The following CCDC25 variants were observed in gnomAD, a reference collection of about 807,000 sequenced individuals.
CCDC25 encodes coiled-coil domain-containing protein 25.
CCDC25 carries 16 observed loss-of-function variants against 35.3 expected under a neutral mutation model. The observed-to-expected ratio is 0.45, with a 90% CI of 0.31 to 0.69. The LOEUF is 0.69. Among genes scored for constraint, CCDC25 ranks in the 30% least tolerant of loss-of-function variants. The probability of loss-of-function intolerance (pLI) is 0.06; values close to 1 mark genes in which losing one functional copy is unlikely to be tolerated. For synonymous variants in CCDC25, 79 were observed against 80.3 expected (o/e 0.98, Z 0.09); for missense variants, 179 against 250.7 (o/e 0.71, Z 1.93).
At chr8:27,747,946 G>A in intron 7 of CCDC25, 131 bp downstream of exon 7, 1 of 858,210 alleles carries the variant, frequency 1.2e-6, no homozygotes, top group South Asian at 1.7e-5. Context: ...ACTGATTTAA[G>A]GTTGAGCTTA....
chr8:27,762,896 A>C (rs1426101593), intron 2 of CCDC25, among the ~76,000 whole-genome samples: 1 of 152,168 alleles, frequency 6.6e-6, no homozygotes, highest in Non-Finnish European at 1.5e-5. Flanking sequence ...CAAAACAAAC[A>C]TTAGAAGTAT....
At chr8:27,755,450 G>A (rs1223071923) in intron 4 of CCDC25, among the ~76,000 whole-genome samples, 2 of 152,088 alleles carry the variant, frequency 1.3e-5, no homozygotes, top group African/African-American at 4.8e-5. Context: ...AAATAAATAG[G>A]GGAAAAGAGA....
rs139104180 is a variant in CCDC25, at chr8:27,762,538, G to A, written c.77-80C>T. 9.6e-3 allele frequency: 12,381 copies of A among 1,290,612 alleles called. 87 individuals are homozygous for A. The highest frequency in any genetic ancestry group is 0.012 in the Non-Finnish European group (10,468 of 909,854). 79.9% of individuals were successfully genotyped at this position (1,290,612 alleles called of 1,614,324 possible). The stretch of plus-strand genomic sequence containing the variant: ...CAGGGTTTATAAGAATGGGAGAAAT[G>A]TCAGCTCCTCCCACAAATTTCTCTC... On this transcript the variant is annotated intron_variant, in intron 2 of 8. Transcript: ENST00000356537.
At chr8:27,764,583 AC>A (rs1441906470) in intron 2 of CCDC25, 1 of 228,880 alleles carries the variant, frequency 4.4e-6, no homozygotes, top group Non-Finnish European at 9.1e-6. Context: ...CTGGCCTCTT[AC>A]GTTTTTTTCT....
chr8:27,752,494 A>G lies in CCDC25; in HGVS notation c.244+18T>C. The G allele has an allele frequency of 6.2e-7, 1 of 1,601,742 alleles. No individual in the cohort carries two copies. The highest frequency in any genetic ancestry group is 1.3e-5 in the African/African-American group (1 of 74,700). On this transcript the variant is annotated intron_variant, in intron 5 of 8. Coordinates refer to ENST00000356537, the MANE Select transcript of CCDC25 (RefSeq NM_018246.3). The stretch of plus-strand genomic sequence containing the variant: ...GAAAGTCCGTGCTAATTCTAAAAAC[A>G]CCTCTAGGAAAACTGACCTTGAATG...
chr8:27,738,097 C>T (rs1803303808), intron 8 of CCDC25, among the ~76,000 whole-genome samples: 1 of 151,814 alleles, frequency 6.6e-6, no homozygotes, highest in Admixed American at 6.6e-5. Context: ...ATACGATGGA[C>T]TTTGGGGACT....
In CCDC25 at chr8:27,765,187, T is replaced by C. The variant is rs1329576594; in HGVS notation, c.76+17A>G. 3 of 1,503,154 alleles carry C rather than the reference T, an allele frequency of 2.0e-6. No homozygotes were observed. Among genetic ancestry groups the C allele is most frequent in the Non-Finnish European group, 2.7e-6 (3 of 1,110,514 alleles). The allele number at this position is 1,503,154 out of a possible 1,614,324, so 93.1% of individuals were successfully genotyped here. On this transcript the variant is annotated intron_variant, in intron 2 of 8. Transcript: ENST00000356537. ...ACCTGCTGAAAATTTCAAAATCAAA[T>C]GCTTTTGAAAACTTACTTTCATATT...
chr8:27,755,461 C>A (rs1803968063), intron 4 of CCDC25, among the ~76,000 whole-genome samples: 1 of 152,190 alleles, frequency 6.6e-6, no homozygotes, highest in Non-Finnish European at 1.5e-5. Flanking sequence ...GGAAAAGAGA[C>A]AAATGTTCCT....
intron 7 of CCDC25, chr8:27,747,869 T>C (rs2128938855): frequency 1.7e-6 from 1 of 580,368 alleles, no homozygotes; most frequent in Non-Finnish European, 3.0e-6. Flanking sequence ...TCCACTTTCA[T>C]ATCCTGCTGC....
At chr8:27,749,418 T>C (rs935134928) in intron 5 of CCDC25, among the ~76,000 whole-genome samples, 1 of 152,196 alleles carries the variant, frequency 6.6e-6, no homozygotes, top group African/African-American at 2.4e-5. Flanking sequence ...CCACCAAAAA[T>C]GGCACAAAAT....
Position 27,735,615 on chromosome 8 carries a change from C to T in CCDC25, c.*601G>A, listed in dbSNP as rs1357801307. ...GTTGATACTAAGATGGAGGCCTCTG[C>T]TCAGAGGAAGCAAGGACGTAAACGC... is the stretch of plus-strand genomic sequence containing the variant. On this transcript the variant is annotated 3_prime_UTR_variant, in exon 9 of 9. Transcript: ENST00000356537. The T allele has an allele frequency of 1.3e-5, 2 of 152,218 alleles. No individual in the cohort carries two copies. Among genetic ancestry groups the T allele is most frequent in the Non-Finnish European group, 2.9e-5 (2 of 68,076 alleles). 9.4% of individuals were successfully genotyped at this position (152,218 alleles called of 1,614,324 possible).
intron 1 of CCDC25, among the ~76,000 whole-genome samples, chr8:27,770,843 T>G (rs1804581834): frequency 6.6e-6 from 1 of 152,070 alleles, no homozygotes; most frequent in African/African-American, 2.4e-5. Flanking sequence ...AAAATGGCAT[T>G]CATTTATTCA....
intron 2 of CCDC25, 58 bp from the exon 3 acceptor site, chr8:27,762,516 G>A: frequency 2.6e-6 from 4 of 1,512,030 alleles, no homozygotes; most frequent in East Asian, 2.3e-5. Flanking sequence ...GATATGCCAG[G>A]GTTTATAAGA....
chr8:27,759,608 C>CAA (rs146836795), intron 3 of CCDC25, among the ~76,000 whole-genome samples: 7 of 88,442 alleles, frequency 7.9e-5, no homozygotes, highest in African/African-American at 2.9e-4. Flanking sequence ...GACTCTGTCT[C>CAA]AAAAAAAAAA....
Position 27,736,256 on chromosome 8 carries a change from C to T in CCDC25, c.598-11G>A. ...TGAATCATTGCCATCCTGTAGGAAA[C>T]ACAAAAATGAGAACATAAAAGCCTT... On this transcript the variant is annotated splice_polypyrimidine_tract_variant and intron_variant, in intron 8 of 8. Coordinates refer to ENST00000356537, the MANE Select transcript of CCDC25 (RefSeq NM_018246.3). 2 of 1,594,884 alleles carry T rather than the reference C, an allele frequency of 1.3e-6. No individual in the cohort carries two copies. Among genetic ancestry groups the T allele is most frequent in the Non-Finnish European group, 1.7e-6 (2 of 1,170,308 alleles).
rs1803137386 is a variant in CCDC25, at chr8:27,734,264, A to C, written c.*1952T>G. The C allele has an allele frequency of 6.6e-6, 1 of 152,360 alleles. No individual in the cohort carries two copies. Among genetic ancestry groups the C allele is most frequent in the South Asian group, 2.1e-4 (1 of 4,832 alleles). The allele number at this position is 152,360 out of a possible 1,614,324, so 9.4% of individuals were successfully genotyped here. A position where few individuals can be genotyped will look rare whatever the true frequency, so the allele number is the denominator to read the frequency against. Reference sequence around the variant, plus strand: ...AGCTATAGAATATAGCAGTTAGTGAAGTAAATTAAACATGCCCCTCGCCTG... The same window carrying C: ...AGCTATAGAATATAGCAGTTAGTGACGTAAATTAAACATGCCCCTCGCCTG... On this transcript the variant is annotated 3_prime_UTR_variant, in exon 9 of 9. Coordinates refer to ENST00000356537, the MANE Select transcript of CCDC25 (RefSeq NM_018246.3).
In CCDC25 at chr8:27,765,201, T is replaced by G. The variant is rs1449919728; in HGVS notation, c.76+3A>C. ...TCAAAATCAAATGCTTTTGAAAACT[T>G]ACTTTCATATTTATCTTTTCCCATG... On this transcript the variant is annotated splice_donor_region_variant and intron_variant, in intron 2 of 8. Transcript: ENST00000356537. 1 of 1,509,612 alleles carries G rather than the reference T, an allele frequency of 6.6e-7. No homozygotes were observed. Among genetic ancestry groups the G allele is most frequent in the East Asian group, 2.4e-5 (1 of 41,106 alleles). 93.5% of individuals were successfully genotyped at this position (1,509,612 alleles called of 1,614,324 possible).
At chr8:27,768,335 C>T (rs778567862) in intron 1 of CCDC25, among the ~76,000 whole-genome samples, 4 of 151,848 alleles carry the variant, frequency 2.6e-5, no homozygotes, top group African/African-American at 4.8e-5. Flanking sequence ...GAGGCTGAAG[C>T]GGGAGGATCA....
At chr8:27,754,351 A>C (rs1195979866) in intron 4 of CCDC25, among the ~76,000 whole-genome samples, 1 of 152,262 alleles carries the variant, frequency 6.6e-6, no homozygotes, top group African/African-American at 2.4e-5. Flanking sequence ...TCATGTTAAA[A>C]GGTAATCTAA....
Sources: gnomAD v4.1 joint callset for allele counts (sites outside exome capture counted in the v4.1 genomes callset) on GRCh38, gnomAD v4.1.1 for gene constraint, MANE v1.5 for transcripts, NCBI Gene and HGNC (gene_info 2026-07-23, HGNC 2026-07-21) for gene names.